NPAS3: variants seen among roughly 807,000 people sequenced by gnomAD.
NPAS3 encodes the protein neuronal PAS domain-containing protein 3.
In NPAS3, 14 loss-of-function variants were observed where a neutral mutation model predicts 73.1. The observed-to-expected ratio is 0.19, with a 90% CI of 0.13 to 0.30. The LOEUF (loss-of-function observed/expected upper bound fraction) is 0.30. NPAS3 is among the 10% of genes least tolerant of loss of function. The pLI, the probability that NPAS3 is intolerant of heterozygous loss-of-function variation, is 1.00. For synonymous variants in NPAS3, 620 were observed against 541.5 expected (o/e 1.14, Z -2.01); for missense variants, 1,096 against 1,250.0 (o/e 0.88, Z 1.86).
In NPAS3 at chr14:33,676,174, AATGTCTTTCCTTCCCACC is replaced by A. The variant is rs1567116719; in HGVS notation, c.559-36_559-19del. ...AATTTGAAAATGGAGAAGCCTATAT[AATGTCTTTCCTTCCCACC>A]CTTTCTCTCGCCCTCTAGGTGGAGC... On this transcript the variant is annotated intron_variant, in intron 5 of 11. Transcript: ENST00000356141. The A allele has an allele frequency of 6.2e-7, 1 of 1,606,616 alleles. No individual in the cohort carries two copies. The highest frequency in any genetic ancestry group is 8.5e-7 in the Non-Finnish European group (1 of 1,174,962).
At chr14:33,112,873 C>T (rs1405478644) in intron 2 of NPAS3, among the ~76,000 whole-genome samples, 1 of 152,128 alleles carries the variant, frequency 6.6e-6, no homozygotes, top group African/African-American at 2.4e-5. Context: ...CCAGTTTCAG[C>T]TTTCTACATA....
At chr14:33,573,043 AG>A (rs2056290540) in intron 5 of NPAS3, among the ~76,000 whole-genome samples, 3 of 151,442 alleles carry the variant, frequency 2.0e-5, no homozygotes, top group African/African-American at 7.3e-5. Context: ...AAAAAAAAAA[AG>A]TTAATTCTCA....
At chr14:33,761,194 T>C (rs1566509956) in intron 7 of NPAS3, among the ~76,000 whole-genome samples, 1 of 152,210 alleles carries the variant, frequency 6.6e-6, no homozygotes, top group Non-Finnish European at 1.5e-5. Flanking sequence ...ACAGTTTTGA[T>C]CCTAACACAA....
chr14:33,400,949 C>A (rs764065955), intron 4 of NPAS3, among the ~76,000 whole-genome samples: 6 of 150,578 alleles, frequency 4.0e-5, no homozygotes, highest in African/African-American at 9.8e-5. Context: ...TTTTACAGTT[C>A]TTTTCTCTTC....
At chr14:33,260,637 C>T (rs2048942568) in intron 3 of NPAS3, among the ~76,000 whole-genome samples, 1 of 152,134 alleles carries the variant, frequency 6.6e-6, no homozygotes. Flanking sequence ...TTTATCTACA[C>T]TATATTTCAG....
intron 1 of NPAS3, among the ~76,000 whole-genome samples, chr14:32,940,546 C>T (rs537188877): frequency 1.3e-5 from 2 of 152,296 alleles, no homozygotes; most frequent in African/African-American, 4.8e-5. Context: ...TGAAACGTCA[C>T]CCACTGATTC....
At chr14:33,484,247 G>C (rs1212517083) in intron 4 of NPAS3, among the ~76,000 whole-genome samples, 1 of 152,160 alleles carries the variant, frequency 6.6e-6, no homozygotes, top group Non-Finnish European at 1.5e-5. Flanking sequence ...CTCGTGAAAG[G>C]TCTGGAGGAG....
chr14:33,035,845 G>C, intron 1 of NPAS3, among the ~76,000 whole-genome samples: 1 of 152,114 alleles, frequency 6.6e-6, no homozygotes, highest in Admixed American at 6.5e-5. Context: ...TTACAATATG[G>C]AAGTTGCCGG....
chr14:33,015,041 A>G (rs1416974499), intron 1 of NPAS3, among the ~76,000 whole-genome samples: 1 of 152,326 alleles, frequency 6.6e-6, no homozygotes, highest in African/African-American at 2.4e-5. Flanking sequence ...TAGATCAGAA[A>G]TGGCTTTATG....
At chr14:32,999,095 A>G (rs1271393810) in intron 1 of NPAS3, among the ~76,000 whole-genome samples, 1 of 152,226 alleles carries the variant, frequency 6.6e-6, no homozygotes, top group Non-Finnish European at 1.5e-5. Flanking sequence ...AGTTTTTTGA[A>G]TAGCAATTTT....
At chr14:33,492,645 C>A (rs1362846602) in intron 4 of NPAS3, among the ~76,000 whole-genome samples, 1 of 152,160 alleles carries the variant, frequency 6.6e-6, no homozygotes, top group African/African-American at 2.4e-5. Context: ...TGGTTTGGCT[C>A]CTCTTGGTAA....
intron 5 of NPAS3, among the ~76,000 whole-genome samples, chr14:33,567,358 A>C (rs549671823): frequency 6.6e-5 from 10 of 152,350 alleles, no homozygotes; most frequent in Admixed American, 1.3e-4. Context: ...TTCCAGATTC[A>C]GAAAGTAGGA....
At chr14:33,163,158 G>A (rs2044971338) in intron 2 of NPAS3, among the ~76,000 whole-genome samples, 2 of 152,006 alleles carry the variant, frequency 1.3e-5, no homozygotes, top group Admixed American at 1.3e-4. Context: ...AAGCTATCTG[G>A]GCTATTGTGA....
intron 5 of NPAS3, among the ~76,000 whole-genome samples, chr14:33,656,239 A>G (rs1259892414): frequency 6.6e-6 from 1 of 152,166 alleles, no homozygotes; most frequent in African/African-American, 2.4e-5. Context: ...TGTGGCATGT[A>G]TTGGTTTCTC....
chr14:33,267,562 T>C (rs987953194), intron 3 of NPAS3, among the ~76,000 whole-genome samples: 1 of 152,214 alleles, frequency 6.6e-6, no homozygotes. Flanking sequence ...TTTTTTCCCC[T>C]ATATGCCTTT....
At chr14:33,135,696 T>C (rs948564894) in intron 2 of NPAS3, among the ~76,000 whole-genome samples, 13 of 152,166 alleles carry the variant, frequency 8.5e-5, no homozygotes, top group Non-Finnish European at 1.9e-4. Flanking sequence ...AATTTCCCTC[T>C]TGACTCTTTT....
chr14:33,391,181 C>T (rs1027349518), intron 4 of NPAS3, among the ~76,000 whole-genome samples: 5 of 148,478 alleles, frequency 3.4e-5, no homozygotes, highest in Non-Finnish European at 7.4e-5. Flanking sequence ...ATTCTTTGGC[C>T]CATATCTTTT....
intron 2 of NPAS3, among the ~76,000 whole-genome samples, chr14:33,121,048 C>A (rs1270871034): frequency 2.6e-5 from 4 of 151,992 alleles, no homozygotes; most frequent in Non-Finnish European, 5.9e-5. Context: ...ATGTTTGAAT[C>A]CCTCTTCCTT....
chr14:33,199,399 C>A (rs1240355599), intron 2 of NPAS3, among the ~76,000 whole-genome samples: 1 of 152,092 alleles, frequency 6.6e-6, no homozygotes, highest in African/African-American at 2.4e-5. Context: ...TCCTCCTGTC[C>A]CTATTGTATG....
Sources: allele counts gnomAD v4.1 joint callset (sites outside exome capture counted in the v4.1 genomes callset), GRCh38; gene constraint gnomAD v4.1.1; transcripts MANE v1.5; gene names NCBI Gene and HGNC (gene_info 2026-07-23, HGNC 2026-07-21).